The following EVC2 variants were observed in gnomAD, a reference collection of about 807,000 sequenced individuals.
The protein encoded by EVC2 is limbin.
A neutral mutation model predicts 149.3 loss-of-function variants in EVC2; 148 were observed. The observed-to-expected ratio is 0.99, with a 90% confidence interval of 0.87 to 1.14. EVC2 has a LOEUF of 1.14. Among genes scored for constraint, EVC2 ranks in the 50% most tolerant of loss-of-function variants. The pLI is 0.00. For missense variants in EVC2, 1,854 were observed against 1,627.3 expected (o/e 1.14, Z -2.40); for synonymous variants, 776 against 649.9 (o/e 1.19, Z -2.95).
intron 1 of EVC2, among the ~76,000 whole-genome samples, chr4:5,706,445 GATAC>G (rs1291717875): frequency 0.012 from 318 of 25,762 alleles, 51 homozygotes; most frequent in Non-Finnish European, 0.016. Context: ...TAGATAGATA[GATAC>G]ATACATACAT....
intron 7 of EVC2, among the ~76,000 whole-genome samples, chr4:5,681,024 A>T (rs773492359): frequency 9.2e-5 from 14 of 152,188 alleles, no homozygotes; most frequent in Non-Finnish European, 1.8e-4. Flanking sequence ...GTGGAGCCTC[A>T]GCCTGTCCAG....
chr4:5,707,380 C>G (rs776342193), intron 1 of EVC2, among the ~76,000 whole-genome samples: 1 of 152,070 alleles, frequency 6.6e-6, no homozygotes, highest in Non-Finnish European at 1.5e-5. Context: ...ACCCACCACC[C>G]TAGGAGAGAG....
intron 17 of EVC2, among the ~76,000 whole-genome samples, chr4:5,580,453 AATT>A (rs1458954642): frequency 1.3e-5 from 2 of 152,242 alleles, no homozygotes; most frequent in Admixed American, 6.5e-5. Context: ...TGTACTCTCC[AATT>A]ATTATACTAA....
At chr4:5,706,699 T>C (rs575017123) in intron 1 of EVC2, among the ~76,000 whole-genome samples, 2 of 152,108 alleles carry the variant, frequency 1.3e-5, no homozygotes, top group East Asian at 3.9e-4. Flanking sequence ...GCCAGAGCTC[T>C]TTCCTGTACA....
the EVC2 span, among the ~76,000 whole-genome samples, chr4:5,532,015 G>A: frequency 2.6e-5 from 4 of 152,088 alleles, no homozygotes; most frequent in African/African-American, 7.2e-5. Context: ...GGGGAATCAC[G>A]ACAAGGAAAA....
intron 16 of EVC2, among the ~76,000 whole-genome samples, chr4:5,599,831 A>T (rs1248650071): frequency 6.6e-6 from 1 of 152,234 alleles, no homozygotes; most frequent in Non-Finnish European, 1.5e-5. Flanking sequence ...GCAGGTAAAA[A>T]GATGGGAAAT....
chr4:5,615,407 A>T lies in EVC2; in HGVS notation c.2829+15T>A, dbSNP rs1715169811. 1 of 1,614,038 alleles carries T rather than the reference A, an allele frequency of 6.2e-7. No individual in the cohort carries two copies. The highest frequency in any genetic ancestry group is 1.3e-5 in the African/African-American group (1 of 74,926). ...TGTGCAGAGAGAAACAGCTGGGTGA[A>T]GCAGATGTACTGACCTTTTCCACCA... On this transcript the variant is annotated intron_variant, in intron 16 of 21. Coordinates refer to ENST00000344408, the MANE Select transcript of EVC2 (RefSeq NM_147127.5).
chr4:5,530,917 G>A, the EVC2 span, among the ~76,000 whole-genome samples: 24 of 152,162 alleles, frequency 1.6e-4, no homozygotes, highest in Non-Finnish European at 2.6e-4. Context: ...CACCTAGCAA[G>A]CTACTTACCA....
chr4:5,620,158 C>T (rs749781683), intron 14 of EVC2, among the ~76,000 whole-genome samples: 4 of 152,192 alleles, frequency 2.6e-5, no homozygotes, highest in African/African-American at 7.2e-5. Context: ...TGGGGCCCAA[C>T]GATTTTTAAA....
intron 16 of EVC2, among the ~76,000 whole-genome samples, chr4:5,607,932 G>A (rs1714523784): frequency 6.6e-6 from 1 of 151,864 alleles, no homozygotes; most frequent in Admixed American, 6.6e-5. Context: ...CAGAAAATGA[G>A]AGAAAGGGGA....
rs1720084538 is a variant in EVC2 at position 5,677,685 on chromosome 4, C to G, written c.870+3575G>C. 6.6e-6 allele frequency among the ~76,000 whole-genome samples: 1 copy of G among 152,236 alleles called. No homozygotes were observed. The highest frequency in any genetic ancestry group is 1.5e-5 in the Non-Finnish European group (1 of 68,048). ...ACACTCATACAGCAACCAGCCACCT[C>G]CTCCTCCTGAGCAGCAATCATCGTC... On this transcript the variant is annotated intron_variant, in intron 7 of 21. Coordinates refer to ENST00000344408, the MANE Select transcript of EVC2 (RefSeq NM_147127.5). The surrounding 1 kb of genome is among the most constrained non-coding windows in gnomAD (Gnocchi z 4.3).
In EVC2 at chr4:5,677,009, G is replaced by C. The variant is rs1051500489; in HGVS notation, c.870+4251C>G. Among the ~76,000 whole-genome samples the C allele has an allele frequency of 7.9e-5, 12 of 152,258 alleles. No homozygotes were observed. The highest frequency in any genetic ancestry group is 2.9e-4 in the African/African-American group (12 of 41,576). On this transcript the variant is annotated intron_variant, in intron 7 of 21. Transcript: ENST00000344408. The surrounding 1 kb of genome is among the most constrained non-coding windows in gnomAD (Gnocchi z 4.3). ...AGCCCCCGTGGGCATTGGGGCATGA[G>C]GCCCTGATGCAAAACATTCACTGTC...
intron 21 of EVC2, among the ~76,000 whole-genome samples, chr4:5,546,622 G>A (rs181331941): frequency 1.1e-4 from 16 of 152,008 alleles, no homozygotes; most frequent in African/African-American, 2.2e-4. Flanking sequence ...GCTAAATGAC[G>A]AGTTAGTGGG....
chr4:5,691,374 T>A lies in EVC2; in HGVS notation c.451-41A>T, dbSNP rs577143170. On this transcript the variant is annotated intron_variant, in intron 3 of 21. Coordinates refer to ENST00000344408, the MANE Select transcript of EVC2 (RefSeq NM_147127.5). ...AAAGTTATTAGAAAATGAGAAATAT[T>A]TCATGCTATACATATTTAATAAAAG... is the stretch of plus-strand genomic sequence containing the variant. 13 of 1,508,590 alleles carry A rather than the reference T, an allele frequency of 8.6e-6. No individual in the cohort carries two copies. In the East Asian group the frequency reaches 2.9e-4, roughly 34 times the overall value. The allele number at this position is 1,508,590 out of a possible 1,614,324, so 93.5% of individuals were successfully genotyped here.
chr4:5,675,107 GT>G (rs1719905378), intron 7 of EVC2, among the ~76,000 whole-genome samples: 1 of 152,154 alleles, frequency 6.6e-6, no homozygotes. Flanking sequence ...GCTACCTATT[GT>G]GGCATTCCAT....
Position 5,637,135 on chromosome 4 carries a change from A to C in EVC2, c.1470+3379T>G, listed in dbSNP as rs1716937778. Among the ~76,000 whole-genome samples, 1 of 152,224 alleles carries C rather than the reference A, an allele frequency of 6.6e-6. No homozygotes were observed. The highest frequency in any genetic ancestry group is 2.4e-5 in the African/African-American group (1 of 41,466). The stretch of plus-strand genomic sequence containing the variant: ...CTGAGGAGGAGAGGGACTGCGTGAC[A>C]GATGGGAGTAGGGCACCGACCCAGC... On this transcript the variant is annotated intron_variant, in intron 10 of 21. Transcript: ENST00000344408. The surrounding 1 kb of genome is among the most constrained non-coding windows in gnomAD (Gnocchi z 4.4).
At chr4:5,651,072 A>G (rs529981471) in intron 9 of EVC2, among the ~76,000 whole-genome samples, 10 of 152,226 alleles carry the variant, frequency 6.6e-5, no homozygotes, top group East Asian at 1.9e-4. Context: ...AGATGGACAG[A>G]TGGGTGAAGG....
intron 11 of EVC2, among the ~76,000 whole-genome samples, chr4:5,630,339 ATGCTGAGGACC>A (rs1716441723): frequency 6.6e-6 from 1 of 152,152 alleles, no homozygotes; most frequent in Admixed American, 6.5e-5. Context: ...GGTTGGGTGA[ATGCTGAGGACC>A]TGCTCACAGA....
At chr4:5,594,286 C>T (rs1178168483) in intron 16 of EVC2, among the ~76,000 whole-genome samples, 3 of 152,216 alleles carry the variant, frequency 2.0e-5, no homozygotes, top group Non-Finnish European at 2.9e-5. Context: ...GGTGCCTGAC[C>T]CCTGACCCCC....
Sources: gnomAD v4.1 joint callset for allele counts (sites outside exome capture counted in the v4.1 genomes callset) on GRCh38, gnomAD v4.1.1 for gene constraint, Gnocchi (gnomAD v3.1) non-coding constraint, MANE v1.5 for transcripts, NCBI Gene and HGNC (gene_info 2026-07-23, HGNC 2026-07-21) for gene names.